Variants in ARHGAP29 observed in about 807,000 individuals in gnomAD.
ARHGAP29 encodes the protein Rho GTPase activating protein 29.
ARHGAP29 carries 43 observed loss-of-function variants against 122.6 expected under a neutral mutation model. The observed-to-expected ratio is 0.35, with a 90% CI of 0.27 to 0.45. The LOEUF (loss-of-function observed/expected upper bound fraction) is 0.45. Among genes scored for constraint, ARHGAP29 ranks in the 20% least tolerant of loss-of-function variants. The pLI is 1.00. For synonymous variants in ARHGAP29, 506 were observed against 497.1 expected (o/e 1.02, Z -0.24); for missense variants, 1,303 against 1,477.2 (o/e 0.88, Z 1.93).
upstream of ARHGAP29, among the ~76,000 whole-genome samples, chr1:94,241,689 AT>A (rs1367701716): frequency 4.7e-4 from 51 of 108,784 alleles, no homozygotes; most frequent in Admixed American, 3.9e-3. Context: ...TATATAATTT[AT>A]ATATGTAATT....
At chr1:94,258,559 A>AGGGG (rs1654448276) in intron 1 of ARHGAP29, among the ~76,000 whole-genome samples, 1 of 152,142 alleles carries the variant, frequency 6.6e-6, no homozygotes, top group African/African-American at 2.4e-5. Flanking sequence ...AGAGGGTCTT[A>AGGGG]GGGGGCTCCC....
At chr1:94,312,662 C>A in the ARHGAP29 span, among the ~76,000 whole-genome samples, 3 of 151,990 alleles carry the variant, frequency 2.0e-5, no homozygotes, top group Non-Finnish European at 4.4e-5. Context: ...GAACTCCTGG[C>A]CTTAAGTGAT....
At chr1:94,197,041 T>C (rs1650520975) in intron 12 of ARHGAP29, among the ~76,000 whole-genome samples, 1 of 151,806 alleles carries the variant, frequency 6.6e-6, no homozygotes. Flanking sequence ...ATCAGTAAAA[T>C]TAAGAAAAAG....
In ARHGAP29 at chr1:94,170,744, T is replaced by A. The variant is rs1055552241; in HGVS notation, c.*3125A>T. 1.3e-5 allele frequency among the ~76,000 whole-genome samples: 2 copies of A among 152,220 alleles called. No individual in the cohort carries two copies. The highest frequency in any genetic ancestry group is 1.3e-4 in the Admixed American group (2 of 15,286). ...GACTGAGTCTTCTAATTCGTGTACA[T>A]TATGGAGTACTACATTTATTTAAGA... On this transcript the variant is annotated 3_prime_UTR_variant, in exon 23 of 23. Transcript: ENST00000260526.
rs1275947242 is a variant in ARHGAP29 at position 94,171,491 on chromosome 1, T to C, written c.*2378A>G. Among the ~76,000 whole-genome samples, 5 of 152,198 alleles carry C rather than the reference T, an allele frequency of 3.3e-5. No individual in the cohort carries two copies. The highest frequency in any genetic ancestry group is 3.3e-4 in the Admixed American group (5 of 15,284). On this transcript the variant is annotated 3_prime_UTR_variant, in exon 23 of 23. Transcript: ENST00000260526. ...GGTGTTCTGGCAGCACTAACAGGGC[T>C]CCTGCTGTTGCCCTTTCCTTTTGGT...
chr1:94,186,352 G>T (rs1649799968), intron 16 of ARHGAP29, 147 bp downstream of exon 16: 2 of 530,014 alleles, frequency 3.8e-6, no homozygotes, highest in Admixed American at 7.0e-5. Context: ...ATATATAATT[G>T]TTGGGATATA....
At chr1:94,258,073 AC>A (rs1395857406) in intron 1 of ARHGAP29, among the ~76,000 whole-genome samples, 4 of 152,036 alleles carry the variant, frequency 2.6e-5, no homozygotes, top group African/African-American at 9.7e-5. Flanking sequence ...AAAACTCAAA[AC>A]CCTAGACAAA....
intron 1 of ARHGAP29, among the ~76,000 whole-genome samples, chr1:94,233,206 G>A (rs1366182694): frequency 6.6e-6 from 1 of 152,020 alleles, no homozygotes; most frequent in Admixed American, 6.6e-5. Context: ...TCCTACCTCA[G>A]CCTAGCTAAA....
Position 94,169,123 on chromosome 1 carries a change from G to A in ARHGAP29, c.*4746C>T, listed in dbSNP as rs1279981144. Among the ~76,000 whole-genome samples, 1 of 152,150 alleles carries A rather than the reference G, an allele frequency of 6.6e-6. No homozygotes were observed. Among genetic ancestry groups the A allele is most frequent in the Non-Finnish European group, 1.5e-5 (1 of 68,022 alleles). ...AAATGTCTATGTTTAAACATTCCTG[G>A]TAAATATGTATAATCGTACACTTTT... is the stretch of plus-strand genomic sequence containing the variant. On this transcript the variant is annotated 3_prime_UTR_variant, in exon 23 of 23. Coordinates refer to ENST00000260526, the MANE Select transcript of ARHGAP29 (RefSeq NM_004815.4).
chr1:94,310,207 C>T, the ARHGAP29 span, among the ~76,000 whole-genome samples: 1 of 152,148 alleles, frequency 6.6e-6, no homozygotes, highest in Non-Finnish European at 1.5e-5. Flanking sequence ...GCAGCAATAC[C>T]TGGGCAAAAC....
intron 22 of ARHGAP29, among the ~76,000 whole-genome samples, chr1:94,176,046 T>C (rs1323150164): frequency 1.3e-5 from 2 of 152,134 alleles, no homozygotes; most frequent in Non-Finnish European, 2.9e-5. Flanking sequence ...CACACATTTA[T>C]AGAGCATTCT....
chr1:94,267,377 T>TGTTA (rs1654812735), intron 1 of ARHGAP29, among the ~76,000 whole-genome samples: 1 of 152,212 alleles, frequency 6.6e-6, no homozygotes, highest in South Asian at 2.1e-4. Flanking sequence ...GAGTGACCTA[T>TGTTA]GTTAAGTACT....
the ARHGAP29 span, among the ~76,000 whole-genome samples, chr1:94,311,291 C>G: frequency 5.9e-5 from 9 of 152,130 alleles, no homozygotes; most frequent in Admixed American, 5.2e-4. Flanking sequence ...TTGCTGCCTT[C>G]GATGAGCATT....
intron 5 of ARHGAP29, among the ~76,000 whole-genome samples, 185 bp from the exon 6 acceptor site, chr1:94,205,868 T>C (rs1651156384): frequency 6.6e-6 from 1 of 152,208 alleles, no homozygotes; most frequent in Non-Finnish European, 1.5e-5. Flanking sequence ...CATAGCTTTT[T>C]ACAACAGGAG....
intron 5 of ARHGAP29, among the ~76,000 whole-genome samples, chr1:94,208,469 T>C (rs1483727150): frequency 6.6e-6 from 1 of 152,086 alleles, no homozygotes; most frequent in African/African-American, 2.4e-5. Context: ...ATTTTTCTTT[T>C]TTTTTTTGGA....
intron 5 of ARHGAP29, among the ~76,000 whole-genome samples, chr1:94,205,993 G>T (rs1444000599): frequency 1.3e-5 from 2 of 152,180 alleles, no homozygotes; most frequent in South Asian, 2.1e-4. Context: ...TAGTCAAGAA[G>T]TTAGAGAAGC....
intron 12 of ARHGAP29, 146 bp downstream of exon 12, chr1:94,201,574 C>G: frequency 1.6e-6 from 1 of 637,820 alleles, no homozygotes; most frequent in East Asian, 5.3e-5. Context: ...TAATCATAAT[C>G]GAAGCTCACT....
At chr1:94,298,339 C>G in the ARHGAP29 span, among the ~76,000 whole-genome samples, 2 of 152,158 alleles carry the variant, frequency 1.3e-5, no homozygotes, top group African/African-American at 2.4e-5. Flanking sequence ...TATAGCTGTA[C>G]TAAGTGTTTA....
chr1:94,207,816 C>T (rs541136074), intron 5 of ARHGAP29, among the ~76,000 whole-genome samples: 120 of 151,792 alleles, frequency 7.9e-4, no homozygotes, highest in Non-Finnish European at 6.2e-4. Flanking sequence ...GTCCCTGGCA[C>T]GTTTCCAAAT....
Sources: gnomAD v4.1 joint callset for allele counts (sites outside exome capture counted in the v4.1 genomes callset) on GRCh38, gnomAD v4.1.1 for gene constraint, MANE v1.5 for transcripts, NCBI Gene and HGNC (gene_info 2026-07-23, HGNC 2026-07-21) for gene names.